Variants in ABLIM3 observed in about 807,000 individuals in gnomAD.
ABLIM3 encodes actin binding LIM protein family member 3, also known as actin-binding LIM protein 3.
Under a neutral mutation model 109.5 loss-of-function variants are expected in ABLIM3, and 61 were observed. The ratio of observed to expected loss-of-function variants is 0.56; its 90% CI spans 0.45 to 0.69. The LOEUF (loss-of-function observed/expected upper bound fraction) is 0.69, where lower values mean the gene tolerates loss of function less well. ABLIM3 is among the 30% of genes least tolerant of loss of function. The pLI is 0.00. For missense variants in ABLIM3, 796 were observed against 889.5 expected, an observed-to-expected ratio of 0.89 and a Z score of 1.34; for synonymous variants, 300 against 324.8, an observed-to-expected ratio of 0.92 and a Z score of 0.82.
chr5:149,165,042 T>C (rs1358071066), intron 2 of ABLIM3, among the ~76,000 whole-genome samples: 1 of 152,202 alleles, frequency 6.6e-6, no homozygotes, highest in Non-Finnish European at 1.5e-5. Context: ...ATTCCAAACA[T>C]AGTTTCTGAA....
intron 8 of ABLIM3, among the ~76,000 whole-genome samples, chr5:149,228,481 G>T (rs1401185291): frequency 1.3e-5 from 2 of 152,106 alleles, no homozygotes; most frequent in African/African-American, 4.8e-5. Flanking sequence ...CATGGGCCAG[G>T]CACTGTTTTT....
At chr5:149,187,623 A>G (rs904748634) in intron 3 of ABLIM3, among the ~76,000 whole-genome samples, 3 of 152,136 alleles carry the variant, frequency 2.0e-5, no homozygotes, top group Non-Finnish European at 4.4e-5. Flanking sequence ...TTTGCCTTCT[A>G]CTTTTAAACT....
chr5:149,183,734 A>T, intron 3 of ABLIM3, 145 bp downstream of exon 3: 1 of 987,842 alleles, frequency 1.0e-6, no homozygotes, highest in Non-Finnish European at 1.4e-6. Context: ...GCCTCTTCTT[A>T]TGAGATTCTC....
intron 2 of ABLIM3, among the ~76,000 whole-genome samples, chr5:149,181,435 T>C (rs1756447089): frequency 6.6e-6 from 1 of 152,234 alleles, no homozygotes; most frequent in Admixed American, 6.5e-5. Context: ...AATGATTTAG[T>C]TAACTAGCTG....
chr5:149,177,562 A>G (rs1756055262), intron 2 of ABLIM3, among the ~76,000 whole-genome samples: 1 of 152,186 alleles, frequency 6.6e-6, no homozygotes, highest in East Asian at 1.9e-4. Context: ...AGCCCACACA[A>G]ACCCATAAAC....
intron 21 of ABLIM3, 27 bp from the exon 22 acceptor site, chr5:149,252,174 T>C: frequency 1.2e-6 from 2 of 1,613,486 alleles, no homozygotes; most frequent in Non-Finnish European, 1.7e-6. Context: ...CTCCATTCTG[T>C]GTGTGTGTCT....
chr5:149,208,383 TCTCA>T (rs1759218785), intron 6 of ABLIM3, among the ~76,000 whole-genome samples: 2 of 124,666 alleles, frequency 1.6e-5, no homozygotes, highest in Non-Finnish European at 3.2e-5. Context: ...TCTCTCTCTC[TCTCA>T]ATTTCTCTTT....
intron 10 of ABLIM3, among the ~76,000 whole-genome samples, chr5:149,233,896 G>T (rs148230573): frequency 2.7e-4 from 41 of 152,312 alleles, no homozygotes; most frequent in African/African-American, 8.4e-4. Context: ...CTCATCATTT[G>T]CCAGGGATGT....
intron 20 of ABLIM3, among the ~76,000 whole-genome samples, chr5:149,250,737 T>C (rs11957501): frequency 0.026 from 3,900 of 152,272 alleles, 162 homozygotes; most frequent in African/African-American, 0.086. Context: ...AATAACCCTG[T>C]GCCAGGGACT....
intron 2 of ABLIM3, among the ~76,000 whole-genome samples, chr5:149,180,465 G>T (rs1032241825): frequency 7.9e-5 from 12 of 152,096 alleles, no homozygotes; most frequent in Non-Finnish European, 1.5e-5. Flanking sequence ...GCAGGAGCAG[G>T]GATGTGGCAT....
In ABLIM3 at chr5:149,183,598, C is replaced by T. The variant is rs767911002; in HGVS notation, c.151+9C>T. 3.3e-6 allele frequency: 5 copies of T among 1,525,094 alleles called. No homozygotes were observed. Among genetic ancestry groups the T allele is most frequent in the Non-Finnish European group, 4.4e-6 (5 of 1,135,560 alleles). 94.5% of individuals were successfully genotyped at this position (1,525,094 alleles called of 1,614,324 possible). A position where few individuals can be genotyped will look rare whatever the true frequency, so the allele number is the denominator to read the frequency against. On this transcript the variant is annotated intron_variant, in intron 3 of 23. Coordinates refer to ENST00000309868, the MANE Select transcript of ABLIM3 (RefSeq NM_014945.5). ...ATGCTTCACCTGTCAAGGTAGGAGG[C>T]TCAGCTCCCCCACTCTCTTCTTAGA...
chr5:149,246,517 G>T lies in ABLIM3; in HGVS notation c.1522G>T (p.Glu508Ter). The part of the protein sequence containing the change: ...RARRFSSGGE[E>*]DDFDRSMHKL... Reference sequence around the variant, plus strand: ...CAGAAGGTTCTCGTCTGGAGGAGAGGAGGATGATTTTGACCGCAGCATGCA... The same window carrying T: ...CAGAAGGTTCTCGTCTGGAGGAGAGTAGGATGATTTTGACCGCAGCATGCA... Residue 508 changes from glutamate (E) to a stop codon, truncating the protein, a stop_gained, in exon 17 of 24, where the codon GAG becomes TAG. Coordinates refer to ENST00000309868, the MANE Select transcript of ABLIM3 (RefSeq NM_014945.5). LOFTEE classifies it high-confidence loss of function. 1 of 1,614,138 alleles carries T rather than the reference G, an allele frequency of 6.2e-7. No homozygotes were observed. Among genetic ancestry groups the T allele is most frequent in the Non-Finnish European group, 8.5e-7 (1 of 1,180,032 alleles).
chr5:149,196,743 G>T (rs189123169), intron 3 of ABLIM3, among the ~76,000 whole-genome samples: 16 of 152,240 alleles, frequency 1.1e-4, no homozygotes, highest in Non-Finnish European at 1.6e-4. Flanking sequence ...CAGTTCTGGT[G>T]GCCCTGTGAG....
rs185297268 is a variant in ABLIM3, at chr5:149,239,903, G to A, written c.1204+15G>A. The A allele has an allele frequency of 6.3e-7, 1 of 1,589,956 alleles. No individual in the cohort carries two copies. The highest frequency in any genetic ancestry group is 8.6e-7 in the Non-Finnish European group (1 of 1,168,624). On this transcript the variant is annotated intron_variant, in intron 13 of 23. Transcript: ENST00000309868. ...CTACCGCTCTGGTAAGGAAGGGGGA[G>A]GACCTGAAGGGAGAGGAAGAGCCAG...
At position 149,253,620 on chromosome 5, in the gene ABLIM3, C is replaced by T. The variant is rs564719813; in HGVS notation, c.1938+783C>T. 3.1e-3 allele frequency among the ~76,000 whole-genome samples: 466 copies of T among 152,238 alleles called. 7 individuals are homozygous for T. Among genetic ancestry groups the T allele is most frequent in the South Asian group, 0.027 (132 of 4,820 alleles). On this transcript the variant is annotated intron_variant, in intron 23 of 23. Coordinates refer to ENST00000309868, the MANE Select transcript of ABLIM3 (RefSeq NM_014945.5). The stretch of plus-strand genomic sequence containing the variant: ...TTTGCAGAAAAAGGAAGGATGTAGA[C>T]GGACTAGAAAGACAAGTAGAGTTTG...
chr5:149,248,689 C>CAAAAAA (rs10659679), intron 18 of ABLIM3, among the ~76,000 whole-genome samples: 21 of 78,846 alleles, frequency 2.7e-4, no homozygotes, highest in East Asian at 6.9e-4. Flanking sequence ...GACTCTCTCT[C>CAAAAAA]AAAAAAAAAA....
chr5:149,250,043 A>T (rs957672182), intron 19 of ABLIM3, among the ~76,000 whole-genome samples, 199 bp downstream of exon 19: 3 of 152,166 alleles, frequency 2.0e-5, no homozygotes, highest in Non-Finnish European at 4.4e-5. Flanking sequence ...GCCATCCCCA[A>T]TAGATGGTCC....
intron 17 of ABLIM3, among the ~76,000 whole-genome samples, chr5:149,246,964 G>A (rs1164499541): frequency 6.6e-6 from 1 of 152,172 alleles, no homozygotes; most frequent in Non-Finnish European, 1.5e-5. Flanking sequence ...ATACCCAGAA[G>A]AATTAAAAAC....
chr5:149,198,247 C>G lies in ABLIM3; in HGVS notation c.180C>G (p.Gly60=), dbSNP rs1758162023. The stretch of plus-strand genomic sequence containing the variant: ...GTGGCTGTGGCCTGGCCCAGTCAGG[C>G]TTCTTCTTCAAGAACCAGGAGTACA... ...QVCGCGLAQS[G]FFFKNQEYIC... Residue 60 remains glycine (G), a synonymous_variant, in exon 4 of 24, where the codon GGC becomes GGG. Transcript: ENST00000309868. This position sits in a 1 kb window ranked among gnomAD's most constrained non-coding sequence, Gnocchi z 4.2. The G allele has an allele frequency of 6.2e-7, 1 of 1,613,734 alleles. No homozygotes were observed. The highest frequency in any genetic ancestry group is 2.2e-5 in the East Asian group (1 of 44,886).
Sources: allele counts gnomAD v4.1 joint callset (sites outside exome capture counted in the v4.1 genomes callset), GRCh38; gene constraint gnomAD v4.1.1; non-coding constraint Gnocchi (gnomAD v3.1); transcripts MANE v1.5; gene names NCBI Gene and HGNC (gene_info 2026-07-23, HGNC 2026-07-21).